The following CUX1 variants were observed in gnomAD, a reference collection of about 807,000 sequenced individuals.
The protein encoded by CUX1 is cut like homeobox 1.
CUX1 carries 31 observed loss-of-function variants against 158.8 expected under a neutral mutation model. The ratio of observed to expected loss-of-function variants is 0.20; its 90% confidence interval spans 0.15 to 0.26. The LOEUF is 0.26. CUX1 is among the 10% of genes least tolerant of loss of function. The probability of loss-of-function intolerance (pLI) is 1.00; values close to 1 mark genes in which losing one functional copy is unlikely to be tolerated. For synonymous variants in CUX1, 879 were observed against 862.1 expected, an observed-to-expected ratio of 1.02 and a Z score of -0.34; for missense variants, 1,589 against 2,014.6, an observed-to-expected ratio of 0.79 and a Z score of 4.04.
chr7:102,070,937 TTTTA>T (rs905833713), intron 4 of CUX1, among the ~76,000 whole-genome samples: 7 of 4,384 alleles, frequency 1.6e-3, no homozygotes, highest in Admixed American at 7.7e-3. Context: ...CAGTTGTTTC[TTTTA>T]TTTTTTTTTT....
In CUX1 at chr7:102,255,129, C is replaced by T; in HGVS notation, c.*6087C>T. The T allele has an allele frequency of 2.0e-6, 2 of 985,380 alleles. No individual in the cohort carries two copies. The highest frequency in any genetic ancestry group is 2.4e-6 in the Non-Finnish European group (2 of 829,906). 61.0% of individuals were successfully genotyped at this position (985,380 alleles called of 1,614,324 possible). ...AGGCCCCGGCGGCCTGTGCTCCTCA[C>T]CACCCTGGTCAGGGGAATAGAAGGA... On this transcript the variant is annotated 3_prime_UTR_variant, in exon 24 of 24. Transcript: ENST00000292535.
chr7:102,175,893 C>T (rs1554511780), intron 10 of CUX1, among the ~76,000 whole-genome samples: 6 of 152,212 alleles, frequency 3.9e-5, no homozygotes, highest in African/African-American at 7.2e-5. Context: ...AATGCCGAAT[C>T]GCTATAAAAG....
intron 2 of CUX1, among the ~76,000 whole-genome samples, chr7:102,001,862 C>G (rs888549722): frequency 6.6e-6 from 1 of 152,206 alleles, no homozygotes; most frequent in Admixed American, 6.5e-5. Flanking sequence ...CTCAGAAGTG[C>G]TTAGTTGCTA....
At chr7:102,164,910 A>G (rs1554508216) in intron 9 of CUX1, among the ~76,000 whole-genome samples, 1 of 152,050 alleles carries the variant, frequency 6.6e-6, no homozygotes, top group Non-Finnish European at 1.5e-5. Context: ...AAGGGGGTGG[A>G]AGATTGGATC....
chr7:102,280,758 T>C (rs782130451), intron 19 of CUX1: 2 of 1,601,538 alleles, frequency 1.2e-6, no homozygotes, highest in Non-Finnish European at 1.7e-6. Context: ...AGCCAGGGCC[T>C]GTGAGGTCCT....
At chr7:101,934,313 C>T (rs1013298915) in intron 2 of CUX1, among the ~76,000 whole-genome samples, 1 of 152,138 alleles carries the variant, frequency 6.6e-6, no homozygotes, top group African/African-American at 2.4e-5. Flanking sequence ...ATAGCATAGT[C>T]GATGTTTTAA....
chr7:101,958,684 T>G (rs1810074708), intron 2 of CUX1, among the ~76,000 whole-genome samples: 1 of 151,552 alleles, frequency 6.6e-6, no homozygotes, highest in Non-Finnish European at 1.5e-5. Context: ...TTCACCATGT[T>G]GGCCAGGCTG....
intron 11 of CUX1, among the ~76,000 whole-genome samples, chr7:102,180,900 TA>T (rs199716654): frequency 0.024 from 2,113 of 88,122 alleles, 42 homozygotes; most frequent in African/African-American, 0.14. Flanking sequence ...TTTAAATTTT[TA>T]TTTTATTTTA....
chr7:101,970,923 C>G (rs1340094342), intron 2 of CUX1, among the ~76,000 whole-genome samples: 1 of 152,136 alleles, frequency 6.6e-6, no homozygotes, highest in Non-Finnish European at 1.5e-5. Flanking sequence ...TAGAGGCATC[C>G]TGGTTGTCTG....
At chr7:101,834,264 C>G (rs886694573) in intron 1 of CUX1, among the ~76,000 whole-genome samples, 7 of 149,732 alleles carry the variant, frequency 4.7e-5, no homozygotes, top group African/African-American at 1.7e-4. Context: ...ACCTCCGCCT[C>G]CTGGGTTCAA....
intron 8 of CUX1, among the ~76,000 whole-genome samples, chr7:102,132,621 A>G (rs1366765893): frequency 8.8e-5 from 13 of 147,290 alleles, no homozygotes; most frequent in African/African-American, 3.3e-4. Flanking sequence ...AACATTGTAC[A>G]TTCCCAACTT....
chr7:102,264,232 C>T lies in CUX1; in HGVS notation c.1256-9134C>T, dbSNP rs563170579. Reference sequence around the variant, plus strand: ...TCTTGGCCAGGCTGGTCTCGAACTCCTGACCTCAGGTGATCCACCCGCCTC... The same window carrying T: ...TCTTGGCCAGGCTGGTCTCGAACTCTTGACCTCAGGTGATCCACCCGCCTC... On this transcript the variant is annotated intron_variant, in intron 14 of 22. Coordinates refer to the CUX1 transcript ENST00000292538. Among the ~76,000 whole-genome samples the T allele has an allele frequency of 3.3e-5, 5 of 152,154 alleles. No individual in the cohort carries two copies. The South Asian group carries it at 1.0e-3, about 32-fold the overall frequency.
intron 8 of CUX1, among the ~76,000 whole-genome samples, chr7:102,121,007 A>G (rs1563271381): frequency 6.6e-6 from 1 of 152,172 alleles, no homozygotes; most frequent in Non-Finnish European, 1.5e-5. Flanking sequence ...AGCCTGTAGT[A>G]AGCTATGATT....
At chr7:102,246,389 A>C (rs77915167) in intron 23 of CUX1, among the ~76,000 whole-genome samples, 4,486 of 152,140 alleles carry the variant, frequency 0.029, 226 homozygotes, top group African/African-American at 0.1. Context: ...AGAGCTCACA[A>C]ATCTTTCAGG....
At chr7:101,867,451 C>T (rs1303838328) in intron 1 of CUX1, among the ~76,000 whole-genome samples, 3 of 152,186 alleles carry the variant, frequency 2.0e-5, no homozygotes, top group Admixed American at 1.3e-4. Context: ...ACGGCAGCCA[C>T]AAGAGGCACA....
chr7:101,849,507 A>G (rs1186380042), intron 1 of CUX1, among the ~76,000 whole-genome samples: 1 of 151,866 alleles, frequency 6.6e-6, no homozygotes, highest in East Asian at 1.9e-4. Context: ...AAAGGACGTG[A>G]CCTCTTTCTT....
At chr7:101,930,234 A>C (rs142144403) in intron 2 of CUX1, among the ~76,000 whole-genome samples, 2 of 152,312 alleles carry the variant, frequency 1.3e-5, no homozygotes, top group African/African-American at 4.8e-5. Context: ...TTGAAGTGGC[A>C]TACTCATTTA....
At chr7:102,221,653 T>C (rs1797809435) in intron 20 of CUX1, among the ~76,000 whole-genome samples, 1 of 151,218 alleles carries the variant, frequency 6.6e-6, no homozygotes, top group South Asian at 2.1e-4. Flanking sequence ...GAATGCCTTG[T>C]GTATCTCAGA....
At chr7:101,823,216 G>A (rs1792870489) in intron 1 of CUX1, among the ~76,000 whole-genome samples, 1 of 152,082 alleles carries the variant, frequency 6.6e-6, no homozygotes, top group South Asian at 2.1e-4. Flanking sequence ...AAGCAGGACT[G>A]GTACAGATCC....
Sources: allele counts gnomAD v4.1 joint callset (sites outside exome capture counted in the v4.1 genomes callset), GRCh38; gene constraint gnomAD v4.1.1; transcripts MANE v1.5; gene names NCBI Gene and HGNC (gene_info 2026-07-23, HGNC 2026-07-21).